ITGA6: variants seen among roughly 807,000 people sequenced by gnomAD.
The protein encoded by ITGA6 is integrin alpha-6.
In ITGA6, 63 loss-of-function variants were observed where a neutral mutation model predicts 133.6. The ratio of observed to expected loss-of-function variants is 0.47; its 90% CI spans 0.38 to 0.58. ITGA6 has a LOEUF of 0.58. Among genes scored for constraint, ITGA6 ranks in the 20% least tolerant of loss-of-function variants. The pLI, the probability that ITGA6 is intolerant of heterozygous loss-of-function variation, is 0.00. For synonymous variants in ITGA6, 434 were observed against 482.0 expected (o/e 0.90, Z 1.30); for missense variants, 1,068 against 1,309.4 (o/e 0.82, Z 2.85).
intron 13 of ITGA6, among the ~76,000 whole-genome samples, chr2:172,486,687 G>A (rs1310748745): frequency 1.3e-5 from 2 of 152,078 alleles, no homozygotes; most frequent in African/African-American, 2.4e-5. Context: ...GTATCTCCAC[G>A]TTACCTATGA....
intron 1 of ITGA6, among the ~76,000 whole-genome samples, chr2:172,432,820 C>T (rs77078272): frequency 0.12 from 18,347 of 152,178 alleles, 1,306 homozygotes; most frequent in South Asian, 0.27. Flanking sequence ...TGAGGCTGGA[C>T]AGAGAAGGAT....
chr2:172,471,336 A>C (rs1428271396), intron 5 of ITGA6, among the ~76,000 whole-genome samples: 1 of 152,276 alleles, frequency 6.6e-6, no homozygotes, highest in Non-Finnish European at 1.5e-5. Flanking sequence ...GAAACCTCTT[A>C]TCACCTAAAA....
intron 25 of ITGA6, chr2:172,503,867 G>GA: frequency 2.9e-6 from 1 of 339,002 alleles, no homozygotes; most frequent in Non-Finnish European, 5.3e-6. Context: ...AAGAGAAGAT[G>GA]AAAATGGACT....
At chr2:172,486,921 T>G (rs1686704500) in intron 13 of ITGA6, 102 bp from the exon 14 acceptor site, 1 of 728,988 alleles carries the variant, frequency 1.4e-6, no homozygotes, top group Admixed American at 2.0e-5. Context: ...TTGGTAATTG[T>G]CACACAGGGA....
intron 1 of ITGA6, among the ~76,000 whole-genome samples, chr2:172,430,575 A>G (rs1684065313): frequency 6.6e-6 from 1 of 152,226 alleles, no homozygotes; most frequent in African/African-American, 2.4e-5. Flanking sequence ...AAATGTTTGT[A>G]GTTCAAATTT....
chr2:172,459,428 C>T (rs145549563), intron 1 of ITGA6, among the ~76,000 whole-genome samples: 56 of 152,250 alleles, frequency 3.7e-4, no homozygotes, highest in African/African-American at 1.3e-3. Context: ...CACTTGAACC[C>T]GGGAGGCAAA....
chr2:172,470,815 T>A (rs1438319510), intron 4 of ITGA6, among the ~76,000 whole-genome samples, 159 bp from the exon 5 acceptor site: 4 of 152,238 alleles, frequency 2.6e-5, no homozygotes, highest in Non-Finnish European at 5.9e-5. Context: ...TACACAAATG[T>A]ATTTTACAAC....
At chr2:172,452,245 C>T (rs1009226107) in intron 1 of ITGA6, among the ~76,000 whole-genome samples, 15 of 152,140 alleles carry the variant, frequency 9.9e-5, no homozygotes, top group African/African-American at 3.6e-4. Flanking sequence ...GTGAGGCTCC[C>T]TTTGAACCTT....
At chr2:172,439,574 A>G (rs13414928) in intron 1 of ITGA6, among the ~76,000 whole-genome samples, 16,464 of 151,874 alleles carry the variant, frequency 0.11, 1,309 homozygotes, top group East Asian at 0.3. Context: ...ATTATAGTAC[A>G]GAATGAAGTG....
chr2:172,462,219 C>T (rs899325940), intron 1 of ITGA6, among the ~76,000 whole-genome samples: 2 of 152,170 alleles, frequency 1.3e-5, no homozygotes, highest in South Asian at 2.1e-4. Flanking sequence ...GGAGCAGGGG[C>T]GCCCTCTGCT....
At chr2:172,455,010 G>A (rs1685155388) in intron 1 of ITGA6, among the ~76,000 whole-genome samples, 1 of 152,124 alleles carries the variant, frequency 6.6e-6, no homozygotes, top group Non-Finnish European at 1.5e-5. Context: ...TTAAAAAAAA[G>A]CTGGAAAGGG....
Position 172,475,600 on chromosome 2 carries a change from T to C in ITGA6, c.1184T>C (p.Ile395Thr), listed in dbSNP as rs763418743. 5.8e-6 allele frequency: 9 copies of C among 1,562,728 alleles called. No individual in the cohort carries two copies. The highest frequency in any genetic ancestry group is 3.3e-5 in the South Asian group (3 of 90,082). The change falls in exon 8 of 26, where the codon ATT becomes ACT. Residue 395 changes from isoleucine to threonine, a missense_variant. Coordinates refer to ENST00000684293, the MANE Select transcript of ITGA6 (RefSeq NM_000210.4). ...GDINQDGYPD[I>T]AVGAPYDDLG... ...TAAAATGTGATGTTGTCAACAGATA[T>C]TGCAGTTGGAGCTCCGTATGATGAC...
chr2:172,498,586 C>T lies in ITGA6; in HGVS notation c.3114+486C>T, dbSNP rs115263947. 2.3e-3 allele frequency among the ~76,000 whole-genome samples: 355 copies of T among 152,256 alleles called. 3 individuals carry two copies. The highest frequency in any genetic ancestry group is 8.0e-3 in the African/African-American group (334 of 41,554). On this transcript the variant is annotated intron_variant, in intron 24 of 25. Coordinates refer to ENST00000684293, the MANE Select transcript of ITGA6 (RefSeq NM_000210.4). ...GAATAACTCTATCTCAAGGGGGTCA[C>T]TATAGCGTGTATCAAACATAAGGAA...
intron 1 of ITGA6, among the ~76,000 whole-genome samples, chr2:172,437,610 AT>A (rs773293577): frequency 2.0e-5 from 3 of 152,196 alleles, no homozygotes; most frequent in Non-Finnish European, 4.4e-5. Context: ...CAAGTGAGTT[AT>A]TTAGGCAGTT....
At chr2:172,473,290 A>G (rs1686025397) in intron 5 of ITGA6, among the ~76,000 whole-genome samples, 2 of 152,186 alleles carry the variant, frequency 1.3e-5, no homozygotes, top group East Asian at 3.9e-4. Context: ...TTGTAATCTG[A>G]CATCCTACCT....
At chr2:172,472,701 C>A in intron 5 of ITGA6, 1 of 934,178 alleles carries the variant, frequency 1.1e-6, no homozygotes, top group Non-Finnish European at 1.8e-6. Context: ...GCGAGAACAG[C>A]AGTGGCTGTC....
intron 5 of ITGA6, 108 bp from the exon 6 acceptor site, chr2:172,473,947 G>T (rs559379907): frequency 1.4e-5 from 10 of 709,946 alleles, no homozygotes; most frequent in Non-Finnish European, 2.5e-5. Flanking sequence ...GGGTCAAGAG[G>T]AGAGAGGGGT....
chr2:172,475,815 A>T (rs986903341), intron 8 of ITGA6, 130 bp downstream of exon 8: 5 of 661,578 alleles, frequency 7.6e-6, no homozygotes, highest in East Asian at 2.8e-5. Flanking sequence ...TAAATTTTTT[A>T]AAAATGTATT....
chr2:172,428,238 CAA>C (rs1033551048), intron 1 of ITGA6: 1 of 202,360 alleles, frequency 4.9e-6, no homozygotes, highest in African/African-American at 2.3e-5. Context: ...CTGTTTTAAA[CAA>C]AGTGCTTTCC....
Sources: allele counts gnomAD v4.1 joint callset (sites outside exome capture counted in the v4.1 genomes callset), GRCh38; gene constraint gnomAD v4.1.1; transcripts MANE v1.5; gene names NCBI Gene and HGNC (gene_info 2026-07-23, HGNC 2026-07-21).